FGF12: variants seen among roughly 807,000 people sequenced by gnomAD.
The protein encoded by FGF12 is fibroblast growth factor 12B.
FGF12 carries 14 observed loss-of-function variants against 23.6 expected under a neutral mutation model. The observed-to-expected ratio is 0.59, with a 90% confidence interval of 0.39 to 0.93. FGF12 has a LOEUF of 0.93. Among genes scored for constraint, FGF12 ranks in the 40% least tolerant of loss-of-function variants. The pLI is 0.00. For missense variants in FGF12, 175 were observed against 217.8 expected, an observed-to-expected ratio of 0.80 and a Z score of 1.24; for synonymous variants, 62 against 77.3, an observed-to-expected ratio of 0.80 and a Z score of 1.04.
chr3:192,304,672 A>G (rs1429464697), intron 4 of FGF12, among the ~76,000 whole-genome samples: 2 of 152,214 alleles, frequency 1.3e-5, no homozygotes. Flanking sequence ...AATCTGTTAT[A>G]CAGTTAAGAA....
At chr3:192,713,053 A>C (rs1210862391) in intron 2 of FGF12, among the ~76,000 whole-genome samples, 1 of 152,224 alleles carries the variant, frequency 6.6e-6, no homozygotes, top group East Asian at 1.9e-4. Flanking sequence ...TGGGCACGTA[A>C]AAACAAGACA....
At chr3:192,443,009 A>C (rs997842981) in intron 2 of FGF12, among the ~76,000 whole-genome samples, 1 of 152,062 alleles carries the variant, frequency 6.6e-6, no homozygotes, top group African/African-American at 2.4e-5. Flanking sequence ...GGGTTTCACC[A>C]TCTTGGCCAG....
At position 192,451,032 on chromosome 3, in the gene FGF12, C is replaced by G. The variant is rs576126431; in HGVS notation, c.14-90494G>C. Among the ~76,000 whole-genome samples the G allele has an allele frequency of 1.1e-4, 17 of 152,310 alleles. No individual in the cohort carries two copies. The South Asian group carries it at 3.5e-3, about 32-fold the overall frequency. On this transcript the variant is annotated intron_variant, in intron 2 of 5. Transcript: ENST00000445105. ...AACACTGGAAGCCTCATAGAATGAT[C>G]TGTGCTTCTCTTATCATGATCTGTG...
At chr3:192,630,613 C>T (rs1323756848) in intron 2 of FGF12, among the ~76,000 whole-genome samples, 13 of 147,694 alleles carry the variant, frequency 8.8e-5, no homozygotes, top group African/African-American at 1.0e-4. Flanking sequence ...AGTGCAGTGG[C>T]GCGATCTCGG....
intron 2 of FGF12, among the ~76,000 whole-genome samples, chr3:192,542,243 A>C (rs1725388169): frequency 6.6e-6 from 1 of 151,992 alleles, no homozygotes; most frequent in African/African-American, 2.4e-5. Flanking sequence ...CAAGCCCACT[A>C]ATTATCTCTT....
intron 4 of FGF12, among the ~76,000 whole-genome samples, chr3:192,276,517 C>A (rs1412529701): frequency 6.6e-6 from 1 of 152,148 alleles, no homozygotes; most frequent in Non-Finnish European, 1.5e-5. Flanking sequence ...AAATGATTCT[C>A]ATTTTAATGT....
rs9883271 is a variant in FGF12, at chr3:192,538,902, A to T, written c.14-178364T>A. 1.4e-3 allele frequency among the ~76,000 whole-genome samples: 220 copies of T among 152,206 alleles called. 1 individual carries two copies. The highest frequency in any genetic ancestry group is 5.2e-3 in the African/African-American group (215 of 41,562). ...TAGATATTTTATTTTATTTGTAGTT[A>T]TTGCAAACGGGATTGCTTTCTTGAT... On this transcript the variant is annotated intron_variant, in intron 2 of 5. Transcript: ENST00000445105.
chr3:192,363,869 G>A (rs1404531446), intron 2 of FGF12, among the ~76,000 whole-genome samples: 1 of 152,200 alleles, frequency 6.6e-6, no homozygotes, highest in Non-Finnish European at 1.5e-5. Flanking sequence ...ATCAGACTAT[G>A]CTTGGGGACC....
intron 2 of FGF12, among the ~76,000 whole-genome samples, chr3:192,553,283 AT>A (rs1711610284): frequency 6.6e-6 from 1 of 152,118 alleles, no homozygotes; most frequent in African/African-American, 2.4e-5. Flanking sequence ...AAGAAATTAT[AT>A]TGTAGGGTTT....
At chr3:192,345,878 C>T (rs1265496250) in intron 3 of FGF12, among the ~76,000 whole-genome samples, 3 of 152,110 alleles carry the variant, frequency 2.0e-5, no homozygotes, top group Non-Finnish European at 2.9e-5. Flanking sequence ...TACACACAGG[C>T]AACACAAGCA....
chr3:192,456,127 A>C (rs994175789), intron 2 of FGF12, among the ~76,000 whole-genome samples: 1 of 152,264 alleles, frequency 6.6e-6, no homozygotes, highest in African/African-American at 2.4e-5. Flanking sequence ...TGATAAAAAC[A>C]TGGTAATGTC....
Position 192,285,493 on chromosome 3 carries a change from AT to A in FGF12, c.228+49867del, listed in dbSNP as rs796922328. Among the ~76,000 whole-genome samples the A allele has an allele frequency of 2.0e-4, 30 of 151,124 alleles. No individual in the cohort carries two copies. In the East Asian group the frequency reaches 4.5e-3, roughly 23 times the overall value. On this transcript the variant is annotated intron_variant, in intron 4 of 5. Coordinates refer to ENST00000445105, the MANE Select transcript of FGF12 (RefSeq NM_004113.6). ...TATCATTCATATAGTTTGCTCCTGTATTTTTTTTTCAAAAATGGCCTATGTA... is the reference window on the plus strand; with the variant it reads ...TATCATTCATATAGTTTGCTCCTGTATTTTTTTTCAAAAATGGCCTATGTA...
chr3:192,162,115 A>T (rs1714914839), intron 5 of FGF12, among the ~76,000 whole-genome samples: 1 of 152,136 alleles, frequency 6.6e-6, no homozygotes, highest in South Asian at 2.1e-4. Context: ...TGTAATTTCC[A>T]AGAAGCTGAA....
chr3:192,608,649 A>G (rs1714436764), intron 2 of FGF12, among the ~76,000 whole-genome samples: 1 of 152,100 alleles, frequency 6.6e-6, no homozygotes, highest in South Asian at 2.1e-4. Flanking sequence ...AAAAGCTGCA[A>G]ACTCCTTCTG....
intron 2 of FGF12, among the ~76,000 whole-genome samples, chr3:192,472,880 A>G (rs1331426975): frequency 1.3e-5 from 2 of 152,206 alleles, no homozygotes; most frequent in Non-Finnish European, 2.9e-5. Context: ...GGTATTGAGA[A>G]GTACAAATGT....
chr3:192,657,076 T>G (rs557887904), intron 2 of FGF12, among the ~76,000 whole-genome samples: 9 of 151,292 alleles, frequency 5.9e-5, no homozygotes, highest in African/African-American at 2.2e-4. Context: ...GTTGCTATTC[T>G]GGATATCTAT....
chr3:192,684,906 C>G (rs1321620188), intron 2 of FGF12, among the ~76,000 whole-genome samples: 2 of 152,166 alleles, frequency 1.3e-5, no homozygotes, highest in Non-Finnish European at 2.9e-5. Flanking sequence ...ATGAGGGAGA[C>G]TGACCTTGTT....
chr3:192,364,040 G>A (rs1263666679), intron 2 of FGF12, among the ~76,000 whole-genome samples: 3 of 152,228 alleles, frequency 2.0e-5, no homozygotes, highest in Non-Finnish European at 2.9e-5. Flanking sequence ...AGTTCTGCCT[G>A]AAGGTTGGGA....
intron 5 of FGF12, among the ~76,000 whole-genome samples, chr3:192,157,460 C>G (rs1714488285): frequency 1.3e-5 from 2 of 152,134 alleles, no homozygotes; most frequent in Non-Finnish European, 2.9e-5. Context: ...GAAGTATTGT[C>G]AAAAACAATC....
Sources: allele counts gnomAD v4.1 joint callset (sites outside exome capture counted in the v4.1 genomes callset), GRCh38; gene constraint gnomAD v4.1.1; transcripts MANE v1.5; gene names NCBI Gene and HGNC (gene_info 2026-07-23, HGNC 2026-07-21).